Variants in DPYD observed in about 807,000 individuals in gnomAD.
DPYD encodes the protein dihydropyrimidine dehydrogenase [NADP(+)].
A neutral mutation model predicts 116.2 loss-of-function variants in DPYD; 109 were observed. That is an observed-to-expected ratio of 0.94 (90% CI 0.80 to 1.10). The LOEUF (loss-of-function observed/expected upper bound fraction) is 1.10. Among genes scored for constraint, DPYD ranks in the 50% least tolerant of loss-of-function variants. The pLI is 0.00. For missense variants in DPYD, 1,302 were observed against 1,254.5 expected, an observed-to-expected ratio of 1.04 and a Z score of -0.57; for synonymous variants, 440 against 432.0, an observed-to-expected ratio of 1.02 and a Z score of -0.23.
At chr1:97,571,491 T>C (rs1459836513) in intron 11 of DPYD, among the ~76,000 whole-genome samples, 1 of 151,924 alleles carries the variant, frequency 6.6e-6, no homozygotes, top group Non-Finnish European at 1.5e-5. Context: ...TGAAAGGATG[T>C]CACTGCATTT....
At chr1:97,503,079 C>G (rs1679680682) in intron 13 of DPYD, among the ~76,000 whole-genome samples, 1 of 151,980 alleles carries the variant, frequency 6.6e-6, no homozygotes, top group Non-Finnish European at 1.5e-5. Flanking sequence ...TAATTTAAAA[C>G]TTAAGAGTAT....
chr1:97,776,880 T>C (rs1666437014), intron 3 of DPYD, among the ~76,000 whole-genome samples: 2 of 152,216 alleles, frequency 1.3e-5, no homozygotes. Flanking sequence ...AGGACTTTAT[T>C]AATTGTCAAA....
intron 6 of DPYD, among the ~76,000 whole-genome samples, chr1:97,693,333 C>G (rs796754576): frequency 3.6e-5 from 5 of 137,434 alleles, no homozygotes; most frequent in African/African-American, 1.4e-4. Flanking sequence ...AAAGAAAATG[C>G]AAGGTATCAA....
In DPYD at chr1:97,323,119, A is replaced by G. The variant is rs1202542654; in HGVS notation, c.2059-16822T>C. On this transcript the variant is annotated intron_variant, in intron 16 of 22. Transcript: ENST00000370192. ...TACTATTTTTTATATATATATGCATATATATGTGTGTGTGTTTATGTATAG... is the reference window on the plus strand; with the variant it reads ...TACTATTTTTTATATATATATGCATGTATATGTGTGTGTGTTTATGTATAG... 1.1e-4 allele frequency among the ~76,000 whole-genome samples: 17 copies of G among 149,974 alleles called. No individual in the cohort carries two copies. In the Admixed American group the frequency reaches 1.1e-3, roughly 10 times the overall value.
At chr1:97,362,455 T>C (rs532045803) in intron 16 of DPYD, among the ~76,000 whole-genome samples, 20 of 152,240 alleles carry the variant, frequency 1.3e-4, no homozygotes, top group African/African-American at 4.1e-4. Context: ...AAAACTACTT[T>C]AAAGTTCATA....
chr1:97,658,514 AT>A (rs1322054451), intron 8 of DPYD, among the ~76,000 whole-genome samples: 2 of 152,138 alleles, frequency 1.3e-5, no homozygotes, highest in Non-Finnish European at 2.9e-5. Context: ...CTAGTGGTTT[AT>A]TTTTTAATGT....
At chr1:97,578,326 CA>C (rs1355819365) in intron 10 of DPYD, among the ~76,000 whole-genome samples, 5 of 150,562 alleles carry the variant, frequency 3.3e-5, no homozygotes, top group Middle Eastern at 3.4e-3. Flanking sequence ...ATATTTGTTA[CA>C]AAAAAAAAGT....
intron 14 of DPYD, among the ~76,000 whole-genome samples, chr1:97,449,620 A>G (rs1334041792): frequency 6.6e-6 from 1 of 152,218 alleles, no homozygotes; most frequent in Non-Finnish European, 1.5e-5. Flanking sequence ...TAGGAGTGTT[A>G]AAATTATTTA....
intron 21 of DPYD, among the ~76,000 whole-genome samples, chr1:97,083,203 A>G (rs1480673937): frequency 1.3e-5 from 2 of 152,184 alleles, no homozygotes; most frequent in African/African-American, 4.8e-5. Context: ...ATCAACAATA[A>G]GAAACATTTT....
chr1:97,404,328 A>G (rs1314867325), intron 14 of DPYD, among the ~76,000 whole-genome samples: 1 of 152,058 alleles, frequency 6.6e-6, no homozygotes, highest in Non-Finnish European at 1.5e-5. Flanking sequence ...TGTTGAGTTT[A>G]ACTATGTGCT....
intron 11 of DPYD, among the ~76,000 whole-genome samples, chr1:97,572,583 GA>G (rs1209703534): frequency 3.3e-5 from 5 of 151,774 alleles, no homozygotes; most frequent in Non-Finnish European, 7.4e-5. Context: ...AGAAGAATGG[GA>G]TTTTTAAGAT....
At chr1:97,640,917 T>C (rs1657854381) in intron 8 of DPYD, among the ~76,000 whole-genome samples, 1 of 152,210 alleles carries the variant, frequency 6.6e-6, no homozygotes, top group Non-Finnish European at 1.5e-5. Context: ...TGACATTTAG[T>C]ATAAGTAATT....
intron 3 of DPYD, among the ~76,000 whole-genome samples, chr1:97,818,216 T>C (rs1179387202): frequency 2.6e-5 from 4 of 152,054 alleles, no homozygotes; most frequent in African/African-American, 9.7e-5. Context: ...TCACTTGCAA[T>C]ATTAATTTGA....
chr1:97,742,441 A>G (rs1294428016), intron 3 of DPYD, among the ~76,000 whole-genome samples: 1 of 152,102 alleles, frequency 6.6e-6, no homozygotes, highest in Non-Finnish European at 1.5e-5. Flanking sequence ...GCTTTTCATA[A>G]TCAATTGTCC....
chr1:97,298,375 G>A (rs1385907827), intron 18 of DPYD, among the ~76,000 whole-genome samples: 1 of 152,104 alleles, frequency 6.6e-6, no homozygotes, highest in Non-Finnish European at 1.5e-5. Flanking sequence ...GCATGCTAAA[G>A]TCTGAGAACC....
intron 13 of DPYD, among the ~76,000 whole-genome samples, chr1:97,457,761 T>C (rs1056597874): frequency 6.6e-6 from 1 of 152,176 alleles, no homozygotes; most frequent in African/African-American, 2.4e-5. Flanking sequence ...TTGGGTCAGA[T>C]TGCAGAGTCC....
At chr1:97,463,879 G>C (rs974948994) in intron 13 of DPYD, among the ~76,000 whole-genome samples, 1 of 152,280 alleles carries the variant, frequency 6.6e-6, no homozygotes, top group African/African-American at 2.4e-5. Flanking sequence ...AAGCATTCAA[G>C]AGGTGACTTG....
At chr1:97,745,747 G>C (rs980449710) in intron 3 of DPYD, among the ~76,000 whole-genome samples, 1 of 151,910 alleles carries the variant, frequency 6.6e-6, no homozygotes, top group Non-Finnish European at 1.5e-5. Context: ...GTCATCTCCC[G>C]TAAGCATAAA....
intron 8 of DPYD, among the ~76,000 whole-genome samples, chr1:97,668,751 G>C (rs1285883524): frequency 6.6e-6 from 1 of 151,776 alleles, no homozygotes; most frequent in Non-Finnish European, 1.5e-5. Flanking sequence ...AAATTAAATA[G>C]CAATCAGTTT....
Sources: gnomAD v4.1 joint callset for allele counts (sites outside exome capture counted in the v4.1 genomes callset) on GRCh38, gnomAD v4.1.1 for gene constraint, MANE v1.5 for transcripts, NCBI Gene and HGNC (gene_info 2026-07-23, HGNC 2026-07-21) for gene names.